Variants in TRIP11 observed in about 807,000 individuals in gnomAD.
The protein encoded by TRIP11 is thyroid receptor-interacting protein 11.
In TRIP11, 148 loss-of-function variants were observed where a neutral mutation model predicts 223.1. The ratio of observed to expected loss-of-function variants is 0.66; its 90% CI spans 0.58 to 0.76. The LOEUF is 0.76. TRIP11 is among the 30% of genes least tolerant of loss of function. The pLI is 0.00. For missense variants in TRIP11, 2,043 were observed against 2,222.0 expected (o/e 0.92, Z 1.62); for synonymous variants, 762 against 772.6 (o/e 0.99, Z 0.23).
intron 20 of TRIP11, among the ~76,000 whole-genome samples, chr14:91,971,620 G>A (rs1431917040): frequency 6.6e-6 from 1 of 152,074 alleles, no homozygotes; most frequent in East Asian, 1.9e-4. Flanking sequence ...GGAAAAGAAG[G>A]GGAAGGGAAG....
intron 2 of TRIP11, among the ~76,000 whole-genome samples, chr14:92,030,161 C>T (rs1254760511): frequency 7.3e-6 from 1 of 136,440 alleles, no homozygotes; most frequent in East Asian, 2.3e-4. Flanking sequence ...CCCGCCACTG[C>T]ACTCTGCACT....
At chr14:92,001,466 C>T (rs1394746441) in intron 11 of TRIP11, among the ~76,000 whole-genome samples, 1 of 149,892 alleles carries the variant, frequency 6.7e-6, no homozygotes, top group South Asian at 2.1e-4. Context: ...ATCCTTTTCT[C>T]CCTAAAAAAA....
intron 12 of TRIP11, 48 bp from the exon 13 acceptor site, chr14:91,999,481 T>A: frequency 2.6e-6 from 4 of 1,566,472 alleles, no homozygotes; most frequent in Non-Finnish European, 3.5e-6. Flanking sequence ...CCCTTTCCAC[T>A]GCTACAAACC....
At position 91,986,374 on chromosome 14, in the gene TRIP11, C is replaced by G. The variant is rs149778873; in HGVS notation, c.5260+1910G>C. 1.9e-3 allele frequency among the ~76,000 whole-genome samples: 282 copies of G among 152,256 alleles called. 1 individual carries two copies. Among genetic ancestry groups the G allele is most frequent in the African/African-American group, 6.5e-3 (271 of 41,556 alleles). On this transcript the variant is annotated intron_variant, in intron 16 of 20. Transcript: ENST00000267622. ...ACTTTGGAATATCTACATTATAGTA[C>G]TACTGGCTGAGCATCCCTAATCCAA...
At chr14:92,021,111 G>T (rs912240853) in intron 4 of TRIP11, among the ~76,000 whole-genome samples, 1 of 149,870 alleles carries the variant, frequency 6.7e-6, no homozygotes, top group Non-Finnish European at 1.5e-5. Context: ...CACTGGCAGA[G>T]GCCAGGCGCA....
Position 92,004,089 on chromosome 14 carries a change from C to T in TRIP11, c.3887G>A (p.Gly1296Glu), listed in dbSNP as rs1378108706. Residue 1296 changes from glycine (G) to glutamate (E), a missense_variant, in exon 11 of 21, where the codon GGG (glycine) becomes GAG (glutamate). Transcript: ENST00000267622. ...QELAQVQHSIGQLCNTKDLLL... is the reference protein window; with the variant it reads ...QELAQVQHSIEQLCNTKDLLL... ...AAGATCCTTGGTATTGCAAAGCTGC[C>T]CAATGCTGTGCTGAACTTGTGCTAA... The T allele has an allele frequency of 6.2e-7, 1 of 1,613,992 alleles. No individual in the cohort carries two copies. The highest frequency in any genetic ancestry group is 1.3e-5 in the African/African-American group (1 of 74,888).
rs547805058 is a variant in TRIP11 at position 91,967,135 on chromosome 14, C to CTT, written c.*2536_*2537dup. 784 of 85,538 alleles carry CTT rather than the reference C, an allele frequency of 9.2e-3. 7 individuals carry two copies. Among genetic ancestry groups the CTT allele is most frequent in the Non-Finnish European group, 0.011 (517 of 48,090 alleles). 5.3% of individuals were successfully genotyped at this position (85,538 alleles called of 1,614,324 possible). ...ACAATGAAAACATTAGGTACTATAG[C>CTT]TTTTTTTTTTTTTTTTTTTTTTTTG... On this transcript the variant is annotated 3_prime_UTR_variant, in exon 21 of 21. Transcript: ENST00000267622.
chr14:92,030,821 C>A (rs2057256132), intron 2 of TRIP11: 2 of 152,226 alleles, frequency 1.3e-5, no homozygotes, highest in South Asian at 2.1e-4. Context: ...ACTCAGTGGA[C>A]TGATCATTCT....
chr14:92,013,284 A>G (rs967410709), intron 7 of TRIP11, among the ~76,000 whole-genome samples: 1 of 152,192 alleles, frequency 6.6e-6, no homozygotes, highest in Non-Finnish European at 1.5e-5. Flanking sequence ...CAAACAAAAA[A>G]AAAGCTAACT....
intron 9 of TRIP11, among the ~76,000 whole-genome samples, chr14:92,010,372 A>G (rs2140124633): frequency 6.6e-6 from 1 of 152,212 alleles, no homozygotes; most frequent in Non-Finnish European, 1.5e-5. Context: ...CTCCACTAAA[A>G]ATACAAAATT....
Position 92,039,599 on chromosome 14 carries a change from C to G in TRIP11, c.87G>C (p.Gln29His), listed in dbSNP as rs1438997263. 1 of 1,613,798 alleles carries G rather than the reference C, an allele frequency of 6.2e-7. No homozygotes were observed. The highest frequency in any genetic ancestry group is 1.7e-5 in the Admixed American group (1 of 59,974). Residue 29 changes from glutamine to histidine, a missense_variant, in exon 1 of 21, where the codon CAG (glutamine) becomes CAC (histidine). By Grantham distance (24) the Gln-to-His change is conservative. Coordinates refer to ENST00000267622, the MANE Select transcript of TRIP11 (RefSeq NM_004239.4). Reference sequence around the variant, plus strand: ...GCATATCCTTTGTAAAGTTTGATATCTGGCCAGTGAGGGAAGCCAGGCTGC... The same window carrying G: ...GCATATCCTTTGTAAAGTTTGATATGTGGCCAGTGAGGGAAGCCAGGCTGC... ...VGGSLASLTG[Q>H]ISNFTKDMLM...
chr14:92,005,294 TAGTTCAGTAACACTATCA>T lies in TRIP11; in HGVS notation c.2664_2681del (p.Asp889_Leu894del). 1 of 1,614,084 alleles carries T rather than the reference TAGTTCAGTAACACTATCA, an allele frequency of 6.2e-7. No homozygotes were observed. Among genetic ancestry groups the T allele is most frequent in the Non-Finnish European group, 8.5e-7 (1 of 1,179,980 alleles). The stretch of plus-strand genomic sequence containing the variant: ...TGTTCAGTTGAGATACCTCAGATGC[TAGTTCAGTAACACTATCA>T]AGGGTTTTAGGGTCAGCCACAGGTG... On this transcript the variant is annotated inframe_deletion, in exon 11 of 21. Coordinates refer to ENST00000267622, the MANE Select transcript of TRIP11 (RefSeq NM_004239.4).
At position 92,003,497 on chromosome 14, in the gene TRIP11, C is replaced by T; in HGVS notation, c.4479G>A (p.Leu1493=). The change falls in exon 11 of 21, where the codon CTG becomes CTA. Residue 1493 remains leucine (L), a synonymous_variant. Transcript: ENST00000267622. ...AGTGGCACTCAAACTCTTTTTCTCG[C>T]AGCATCATAGAAAACTTCATGTTAG... ...QETNMKFSMM[L]REKEFECHSM... The T allele has an allele frequency of 1.2e-6, 2 of 1,614,138 alleles. No individual in the cohort carries two copies. Among genetic ancestry groups the T allele is most frequent in the Non-Finnish European group, 8.5e-7 (1 of 1,180,018 alleles).
Position 91,995,370 on chromosome 14 carries a change from G to C in TRIP11, c.5038C>G (p.Leu1680Val). 1.2e-6 allele frequency: 2 copies of C among 1,613,710 alleles called. No homozygotes were observed. Among genetic ancestry groups the C allele is most frequent in the Non-Finnish European group, 1.7e-6 (2 of 1,179,976 alleles). ...ALSLANLQMVLEHFQQEEKAM... is the reference protein window; with the variant it reads ...ALSLANLQMVVEHFQQEEKAM... ...AGCTTACCTTGTTGGAAATGCTCTAGTACCATCTGCAGGTTGGCCAGTGAC... is the reference window on the plus strand; with the variant it reads ...AGCTTACCTTGTTGGAAATGCTCTACTACCATCTGCAGGTTGGCCAGTGAC... Residue 1680 changes from leucine (L) to valine (V), a missense_variant, in exon 14 of 21, where the codon CTA becomes GTA. By Grantham distance (32) the Leu-to-Val change is conservative. Transcript: ENST00000267622.
At chr14:92,003,249 C>T (rs531813303) in intron 11 of TRIP11, among the ~76,000 whole-genome samples, 170 bp downstream of exon 11, 40 of 152,172 alleles carry the variant, frequency 2.6e-4, no homozygotes, top group Non-Finnish European at 4.1e-4. Flanking sequence ...TGAGGGAGAA[C>T]TTCCAGATGT....
At chr14:92,003,151 T>C (rs1267534993) in intron 11 of TRIP11, among the ~76,000 whole-genome samples, 1 of 152,204 alleles carries the variant, frequency 6.6e-6, no homozygotes, top group East Asian at 1.9e-4. Context: ...GAGACACATC[T>C]GTTTCCTAAA....
rs1442289514 is a variant in TRIP11 at position 92,005,404 on chromosome 14, T to C, written c.2572A>G (p.Met858Val). Reference sequence around the variant, plus strand: ...TGCAGATGATTATTTTCCTCTTTCATGGATCCAAGACTTCGGTCTTTTTCC... The same window carrying C: ...TGCAGATGATTATTTTCCTCTTTCACGGATCCAAGACTTCGGTCTTTTTCC... ...IEEKDRSLGS[M>V]KEENNHLQEE... The change falls in exon 11 of 21, where the codon ATG becomes GTG. Residue 858 changes from methionine (M) to valine (V), a missense_variant. By Grantham distance (21) the Met-to-Val change is conservative. Transcript: ENST00000267622. 1.2e-6 allele frequency: 2 copies of C among 1,614,182 alleles called. No individual in the cohort carries two copies. The highest frequency in any genetic ancestry group is 1.7e-5 in the Admixed American group (1 of 60,036).
intron 20 of TRIP11, among the ~76,000 whole-genome samples, chr14:91,970,359 C>T (rs1168438749): frequency 6.6e-6 from 1 of 151,842 alleles, no homozygotes; most frequent in Non-Finnish European, 1.5e-5. Flanking sequence ...GTTGCAGTGA[C>T]TGGAGATCGC....
rs199734051 is a variant in TRIP11 at position 92,015,889 on chromosome 14, C to T, written c.658-28G>A. ...TAAAAAATAAAAACAAAGTTATTCA[C>T]ATTTATAATCAATAAATTTATGTAA... On this transcript the variant is annotated intron_variant, in intron 5 of 20. Coordinates refer to ENST00000267622, the MANE Select transcript of TRIP11 (RefSeq NM_004239.4). 10 of 1,557,226 alleles carry T rather than the reference C, an allele frequency of 6.4e-6. No individual in the cohort carries two copies. The African/African-American group carries it at 6.8e-5, about 11-fold the overall frequency.
Sources: allele counts gnomAD v4.1 joint callset (sites outside exome capture counted in the v4.1 genomes callset), GRCh38; gene constraint gnomAD v4.1.1; transcripts MANE v1.5; gene names NCBI Gene and HGNC (gene_info 2026-07-23, HGNC 2026-07-21).